Variants in GPD1L observed in about 807,000 individuals in gnomAD.
GPD1L encodes glycerol-3-phosphate dehydrogenase 1 like.
In GPD1L, 17 loss-of-function variants were observed where a neutral mutation model predicts 32.9. The ratio of observed to expected loss-of-function variants is 0.52; its 90% CI spans 0.35 to 0.78. GPD1L has a LOEUF of 0.78. Among genes scored for constraint, GPD1L ranks in the 30% least tolerant of loss-of-function variants. GPD1L has a pLI of 0.01. For missense variants in GPD1L, 361 were observed against 447.8 expected (o/e 0.81, Z 1.75); for synonymous variants, 187 against 165.9 (o/e 1.13, Z -0.98).
rs774304068 is a variant in GPD1L, at chr3:32,165,831, C to A, written c.977C>A (p.Ala326Glu). The change falls in exon 8 of 8, where the codon GCA becomes GAA. Residue 326 changes from alanine (A) to glutamate (E), a missense_variant. Physicochemically the swap from Ala to Glu is moderately radical, Grantham distance 107 (BLOSUM62 -1). Transcript: ENST00000282541. ...CCAACTAGGTTTCCATTGTTTACTG[C>A]AGTGTATCAGATCTGCTACGAAAGC... ...GLLDKFPLFT[A>E]VYQICYESRP... 1.9e-5 allele frequency: 30 copies of A among 1,596,926 alleles called. 1 individual carries two copies. In the Middle Eastern group the frequency reaches 4.5e-3, roughly 238 times the overall value.
At chr3:32,165,210 GAAAAGAA>G (rs960277966) in intron 7 of GPD1L, among the ~76,000 whole-genome samples, 3 of 151,796 alleles carry the variant, frequency 2.0e-5, no homozygotes, top group African/African-American at 4.8e-5. Context: ...TGTCGCAAAA[GAAAAGAA>G]AAAAGAAAAA....
rs942184751 is a variant in GPD1L, at chr3:32,113,823, G to A, written c.47+7065G>A. ...AGGCTCACTCATATGGCTGTGGTTG[G>A]CTGGTGACTTGGTTGGACACTCTCA... On this transcript the variant is annotated intron_variant, in intron 1 of 7. Coordinates refer to ENST00000282541, the MANE Select transcript of GPD1L (RefSeq NM_015141.4). Among the ~76,000 whole-genome samples, 4 of 152,252 alleles carry A rather than the reference G, an allele frequency of 2.6e-5. No homozygotes were observed. The East Asian group carries it at 7.7e-4, about 29-fold the overall frequency.
chr3:32,119,644 G>C (rs1700379440), intron 1 of GPD1L, among the ~76,000 whole-genome samples: 1 of 152,112 alleles, frequency 6.6e-6, no homozygotes, highest in Non-Finnish European at 1.5e-5. Flanking sequence ...TTCTTTAAAA[G>C]CCCTTTGACT....
At position 32,168,241 on chromosome 3, in the gene GPD1L, C is replaced by T. The variant is rs1165285458; in HGVS notation, c.*2331C>T. ...ATTTTAGAAGTTTCTGCTCTACTAA[C>T]TGTAGATATTTATGACTCTGCGAGT... On this transcript the variant is annotated 3_prime_UTR_variant, in exon 8 of 8. Transcript: ENST00000282541. 1 of 152,614 alleles carries T rather than the reference C, an allele frequency of 6.6e-6. No individual in the cohort carries two copies. The highest frequency in any genetic ancestry group is 1.5e-5 in the Non-Finnish European group (1 of 68,034). The allele number at this position is 152,614 out of a possible 1,614,324, so 9.5% of individuals were successfully genotyped here.
chr3:32,127,168 G>A (rs2125478005), intron 1 of GPD1L, among the ~76,000 whole-genome samples: 1 of 152,244 alleles, frequency 6.6e-6, no homozygotes, highest in South Asian at 2.1e-4. Flanking sequence ...TTTGTCTTGA[G>A]AATAATTGTG....
Position 32,165,881 on chromosome 3 carries a change from T to C in GPD1L, c.1027T>C (p.Cys343Arg). 6.2e-7 allele frequency: 1 copy of C among 1,603,824 alleles called. No homozygotes were observed. ...ESRPVQEMLS[C>R]LQSHPEHT ...CAGACCAGTTCAAGAGATGTTGTCTTGTCTTCAGAGCCATCCAGAGCATAC... is the reference window on the plus strand; with the variant it reads ...CAGACCAGTTCAAGAGATGTTGTCTCGTCTTCAGAGCCATCCAGAGCATAC... The change falls in exon 8 of 8, where the codon TGT becomes CGT. Residue 343 changes from cysteine to arginine, a missense_variant. Coordinates refer to ENST00000282541, the MANE Select transcript of GPD1L (RefSeq NM_015141.4).
intron 1 of GPD1L, among the ~76,000 whole-genome samples, chr3:32,127,021 G>A (rs933357603): frequency 4.6e-5 from 7 of 152,150 alleles, no homozygotes; most frequent in African/African-American, 1.7e-4. Context: ...AAGCATACAG[G>A]TTTATATGCT....
In GPD1L at chr3:32,140,306, C is replaced by T. The variant is rs146738300; in HGVS notation, c.445C>T (p.Leu149=). Residue 149 remains leucine (L), a synonymous_variant, in exon 4 of 8, where the codon CTG becomes TTG. Coordinates refer to ENST00000282541, the MANE Select transcript of GPD1L (RefSeq NM_015141.4). The part of the protein sequence containing the change: ...REKMGIDISV[L]MGANIANEVA... ...GAAGATGGGTATTGACATCAGTGTG[C>T]TGATGGGAGCCAACATTGCCAATGA... 2.8e-4 allele frequency: 445 copies of T among 1,614,128 alleles called. No homozygotes were observed. The highest frequency in any genetic ancestry group is 3.6e-4 in the Non-Finnish European group (429 of 1,179,990).
intron 5 of GPD1L, among the ~76,000 whole-genome samples, chr3:32,152,580 C>T (rs1025331271): frequency 1.3e-5 from 2 of 152,122 alleles, no homozygotes; most frequent in Admixed American, 6.6e-5. Context: ...GAGCCACTCC[C>T]GGAGTCTTTT....
At chr3:32,109,568 G>A (rs568701892) in intron 1 of GPD1L, among the ~76,000 whole-genome samples, 2 of 152,318 alleles carry the variant, frequency 1.3e-5, no homozygotes, top group East Asian at 3.9e-4. Flanking sequence ...GGGATTAGAC[G>A]GGAACAATTC....
At chr3:32,145,776 C>G (rs1238688716) in intron 4 of GPD1L, among the ~76,000 whole-genome samples, 10 of 152,202 alleles carry the variant, frequency 6.6e-5, no homozygotes, top group Admixed American at 6.5e-4. Context: ...ACAGTTTGCA[C>G]AAACTGACAT....
At chr3:32,128,276 A>C in intron 2 of GPD1L, 23 bp downstream of exon 2, 4 of 1,596,130 alleles carry the variant, frequency 2.5e-6, no homozygotes, top group Non-Finnish European at 3.4e-6. Context: ...GGTGAAATGT[A>C]CATTGGTTCA....
chr3:32,119,947 G>A (rs997504828), intron 1 of GPD1L, among the ~76,000 whole-genome samples: 3 of 152,124 alleles, frequency 2.0e-5, no homozygotes, highest in African/African-American at 7.2e-5. Context: ...AGGTTTTTAG[G>A]CCCAACTTGA....
rs762575871 is a variant in GPD1L, at chr3:32,128,061, C to T, written c.48-15C>T. 14 of 1,591,860 alleles carry T rather than the reference C, an allele frequency of 8.8e-6. No individual in the cohort carries two copies. The highest frequency in any genetic ancestry group is 6.6e-5 in the South Asian group (6 of 90,530). ...AGTGAGTTTATGTTTTTCTTTTCCA[C>T]GATTTCTTTTGTAGGGGTTCAGCTG... On this transcript the variant is annotated splice_polypyrimidine_tract_variant and intron_variant, in intron 1 of 7. Transcript: ENST00000282541.
At chr3:32,163,727 C>T (rs1047075657) in intron 7 of GPD1L, among the ~76,000 whole-genome samples, 10 of 152,162 alleles carry the variant, frequency 6.6e-5, no homozygotes, top group African/African-American at 9.7e-5. Flanking sequence ...ACAAGTTACT[C>T]GTCTGTAGAA....
Position 32,106,964 on chromosome 3 carries a change from G to A in GPD1L, c.47+206G>A, listed in dbSNP as rs1027219583. On this transcript the variant is annotated intron_variant, in intron 1 of 7. Coordinates refer to ENST00000282541, the MANE Select transcript of GPD1L (RefSeq NM_015141.4). The surrounding 1 kb of genome is among the most constrained non-coding windows in gnomAD (Gnocchi z 4.0). ...CGCTCGGGAGGCGCTGGGCTCGCGT[G>A]CGTGCGGGGGACAGCGCGGAGAGAG... The A allele has an allele frequency of 9.3e-6, 4 of 431,676 alleles. No homozygotes were observed. The highest frequency in any genetic ancestry group is 8.3e-5 in the African/African-American group (4 of 48,476). 26.7% of individuals were successfully genotyped at this position (431,676 alleles called of 1,614,324 possible).
intron 7 of GPD1L, among the ~76,000 whole-genome samples, chr3:32,161,105 G>T (rs1194678239): frequency 6.6e-6 from 1 of 151,998 alleles, no homozygotes; most frequent in East Asian, 1.9e-4. Context: ...CCTTTATCCT[G>T]GTTCTGTCAG....
chr3:32,123,664 G>A (rs1225082957), intron 1 of GPD1L, among the ~76,000 whole-genome samples: 1 of 152,136 alleles, frequency 6.6e-6, no homozygotes, highest in African/African-American at 2.4e-5. Flanking sequence ...GTGAAGACCT[G>A]TGCCCTCGAT....
At chr3:32,137,373 G>C (rs1484995781) in intron 2 of GPD1L, among the ~76,000 whole-genome samples, 1 of 152,218 alleles carries the variant, frequency 6.6e-6, no homozygotes, top group African/African-American at 2.4e-5. Context: ...TGATTCCACT[G>C]TTCTGCCATC....
Sources: gnomAD v4.1 joint callset for allele counts (sites outside exome capture counted in the v4.1 genomes callset) on GRCh38, gnomAD v4.1.1 for gene constraint, Gnocchi (gnomAD v3.1) non-coding constraint, MANE v1.5 for transcripts, NCBI Gene and HGNC (gene_info 2026-07-23, HGNC 2026-07-21) for gene names.